Variants in CTNNA2 observed in about 807,000 individuals in gnomAD.
The protein encoded by CTNNA2 is catenin alpha 2, also known as catenin alpha-2.
A neutral mutation model predicts 101.0 loss-of-function variants in CTNNA2; 42 were observed. The ratio of observed to expected loss-of-function variants is 0.42; its 90% CI spans 0.32 to 0.54. The LOEUF (loss-of-function observed/expected upper bound fraction) is 0.54. CTNNA2 is among the 20% of genes least tolerant of loss of function. The probability of loss-of-function intolerance (pLI) is 0.14; values close to 1 mark genes in which losing one functional copy is unlikely to be tolerated. For missense variants in CTNNA2, 871 were observed against 1,223.1 expected, an observed-to-expected ratio of 0.71 and a Z score of 4.29; for synonymous variants, 450 against 456.4, an observed-to-expected ratio of 0.99 and a Z score of 0.18.
At chr2:80,095,153 C>G (rs1196898096) in intron 7 of CTNNA2, among the ~76,000 whole-genome samples, 1 of 152,148 alleles carries the variant, frequency 6.6e-6, no homozygotes, top group East Asian at 1.9e-4. Context: ...TCATAGATAG[C>G]TCTTATTATT....
chr2:80,593,076 G>T (rs992597684), intron 15 of CTNNA2, among the ~76,000 whole-genome samples: 1 of 152,104 alleles, frequency 6.6e-6, no homozygotes, highest in Non-Finnish European at 1.5e-5. Flanking sequence ...ATGACTTGAT[G>T]CTCTTTCCAA....
At chr2:79,280,872 G>A (rs1364967573) in intron 2 of CTNNA2, among the ~76,000 whole-genome samples, 1 of 151,946 alleles carries the variant, frequency 6.6e-6, no homozygotes, top group African/African-American at 2.4e-5. Flanking sequence ...CTTTGCCCAG[G>A]AAAAGGCCAG....
intron 3 of CTNNA2, chr2:79,777,145 T>C (rs1573941028): frequency 6.6e-6 from 1 of 152,154 alleles, no homozygotes; most frequent in East Asian, 1.9e-4. Flanking sequence ...AGGAAATTTA[T>C]CTTAAGCTTG....
chr2:80,494,501 AT>A (rs995320219), intron 9 of CTNNA2, among the ~76,000 whole-genome samples: 2 of 151,694 alleles, frequency 1.3e-5, no homozygotes, highest in Admixed American at 6.6e-5. Context: ...CTATACATAG[AT>A]TTTTTTTTCT....
rs141010982 is a variant in CTNNA2, at chr2:80,636,946, A to G, written c.2575-10639A>G. ...GATTCAGTAGTGCTAGAAAAGATAC[A>G]TAAGTGTTGGTATTTTCCTATTCCC... is the stretch of plus-strand genomic sequence containing the variant. On this transcript the variant is annotated intron_variant, in intron 18 of 18. Coordinates refer to ENST00000402739, the MANE Select transcript of CTNNA2 (RefSeq NM_001282597.3). Among the ~76,000 whole-genome samples the G allele has an allele frequency of 3.3e-5, 5 of 152,314 alleles. No individual in the cohort carries two copies. The East Asian group carries it at 7.7e-4, about 24-fold the overall frequency.
rs572762524 is a variant in CTNNA2, at chr2:79,283,572, T to C, written c.-405-29137T>C. Among the ~76,000 whole-genome samples, 292 of 140,926 alleles carry C rather than the reference T, an allele frequency of 2.1e-3. 11 individuals carry two copies. The highest frequency in any genetic ancestry group is 3.8e-3 in the Non-Finnish European group (239 of 63,384). The allele number at this position is 140,926 out of a possible 152,430, so 92.5% of individuals were successfully genotyped here. On this transcript the variant is annotated intron_variant, in intron 2 of 21. Transcript: ENST00000466387. ...TTGTCAAAGATCAGATAGTTGTAGA[T>C]ATGCGGCGTTATTTCTGAGGGCTCT...
chr2:80,142,641 A>C (rs1703085059), intron 7 of CTNNA2, among the ~76,000 whole-genome samples: 1 of 152,200 alleles, frequency 6.6e-6, no homozygotes, highest in Non-Finnish European at 1.5e-5. Flanking sequence ...ATGAGCAATG[A>C]GGCCATACAA....
At chr2:80,465,576 T>C (rs1180044150) in intron 9 of CTNNA2, among the ~76,000 whole-genome samples, 3 of 152,164 alleles carry the variant, frequency 2.0e-5, no homozygotes, top group Non-Finnish European at 4.4e-5. Flanking sequence ...TCCAAAGCTT[T>C]CTGCGATGCT....
intron 12 of CTNNA2, among the ~76,000 whole-genome samples, chr2:80,558,817 A>G (rs953608665): frequency 1.3e-5 from 2 of 152,080 alleles, no homozygotes; most frequent in Non-Finnish European, 2.9e-5. Context: ...TGTTGTTGCC[A>G]CACCTACTAG....
chr2:80,140,382 C>G (rs1244543234), intron 7 of CTNNA2, among the ~76,000 whole-genome samples: 1 of 152,162 alleles, frequency 6.6e-6, no homozygotes, highest in Non-Finnish European at 1.5e-5. Context: ...TGCATGTCAG[C>G]TGGGTTCAAG....
intron 9 of CTNNA2, among the ~76,000 whole-genome samples, chr2:80,483,373 T>TATAA: frequency 6.7e-6 from 1 of 148,440 alleles, no homozygotes; most frequent in Middle Eastern, 3.6e-3. Context: ...TTGTTTTATA[T>TATAA]ATATATATAT....
chr2:79,963,471 C>T (rs1366977171), intron 7 of CTNNA2, among the ~76,000 whole-genome samples: 2 of 152,178 alleles, frequency 1.3e-5, no homozygotes, highest in Non-Finnish European at 2.9e-5. Flanking sequence ...TGAGAGCTTT[C>T]TTTCTGAAAC....
intron 7 of CTNNA2, among the ~76,000 whole-genome samples, chr2:79,970,445 C>T (rs1019307622): frequency 6.6e-6 from 1 of 152,108 alleles, no homozygotes; most frequent in Non-Finnish European, 1.5e-5. Context: ...AATACTGTAC[C>T]TATTCTAACT....
chr2:80,234,880 C>A (rs1709461898), intron 7 of CTNNA2, among the ~76,000 whole-genome samples: 1 of 151,496 alleles, frequency 6.6e-6, no homozygotes, highest in African/African-American at 2.4e-5. Flanking sequence ...TCAGTCACAA[C>A]TATTTAACTC....
At chr2:79,909,547 C>G in intron 6 of CTNNA2, 47 bp from the exon 7 acceptor site, 1 of 1,506,474 alleles carries the variant, frequency 6.6e-7, no homozygotes, top group Non-Finnish European at 9.1e-7. Context: ...CCAAGGCAGA[C>G]CTCTCTTCTC....
At chr2:80,485,342 C>T (rs554597802) in intron 9 of CTNNA2, among the ~76,000 whole-genome samples, 1 of 152,260 alleles carries the variant, frequency 6.6e-6, no homozygotes, top group Non-Finnish European at 1.5e-5. Context: ...ATTGACTATT[C>T]CAAGAATTAC....
At chr2:80,017,582 C>T (rs1345919428) in intron 7 of CTNNA2, among the ~76,000 whole-genome samples, 1 of 151,784 alleles carries the variant, frequency 6.6e-6, no homozygotes, top group Non-Finnish European at 1.5e-5. Context: ...TGTCCCGCCC[C>T]CAGATAATCT....
intron 7 of CTNNA2, among the ~76,000 whole-genome samples, chr2:80,164,902 A>T (rs984543903): frequency 6.7e-6 from 1 of 150,088 alleles, no homozygotes; most frequent in Non-Finnish European, 1.5e-5. Flanking sequence ...TTTGATAAGA[A>T]ATCTACTCTT....
chr2:79,854,875 T>A, intron 3 of CTNNA2, among the ~76,000 whole-genome samples: 1 of 152,186 alleles, frequency 6.6e-6, no homozygotes, highest in East Asian at 1.9e-4. Flanking sequence ...AGCGAAATAT[T>A]TCAATCTTAT....
Sources: gnomAD v4.1 joint callset for allele counts (sites outside exome capture counted in the v4.1 genomes callset) on GRCh38, gnomAD v4.1.1 for gene constraint, MANE v1.5 for transcripts, NCBI Gene and HGNC (gene_info 2026-07-23, HGNC 2026-07-21) for gene names.